The following PSMD1 variants were observed in gnomAD, a reference collection of about 807,000 sequenced individuals.
PSMD1 encodes 26S proteasome non-ATPase regulatory subunit 1.
A neutral mutation model predicts 119.0 loss-of-function variants in PSMD1; 18 were observed. The observed-to-expected ratio is 0.15, with a 90% CI of 0.10 to 0.22. The LOEUF (loss-of-function observed/expected upper bound fraction) is 0.22. PSMD1 is among the 10% of genes least tolerant of loss of function. The pLI is 1.00. For synonymous variants in PSMD1, 374 were observed against 396.6 expected (o/e 0.94, Z 0.68); for missense variants, 702 against 1,158.5 (o/e 0.61, Z 5.72).
At chr2:231,072,470 G>A (rs1694064477) in intron 7 of PSMD1, 55 bp downstream of exon 7, 8 of 1,454,936 alleles carry the variant, frequency 5.5e-6, no homozygotes, top group Non-Finnish European at 9.6e-7. Flanking sequence ...ATTTCATTTT[G>A]GGGACAGGTA....
intron 16 of PSMD1, among the ~76,000 whole-genome samples, chr2:231,119,799 G>A (rs532197617): frequency 4.4e-4 from 66 of 149,540 alleles, no homozygotes; most frequent in Non-Finnish European, 4.7e-4. Context: ...TGAACCTGTG[G>A]GTGGAGGTTG....
chr2:231,130,670 C>T (rs1430989721), intron 16 of PSMD1, among the ~76,000 whole-genome samples: 1 of 152,140 alleles, frequency 6.6e-6, no homozygotes, highest in African/African-American at 2.4e-5. Flanking sequence ...AATGCCAAGG[C>T]TGGTCTTGAA....
chr2:231,056,987 A>G lies in PSMD1; in HGVS notation c.-39A>G. On this transcript the variant is annotated 5_prime_UTR_variant, in exon 1 of 25. Transcript: ENST00000308696. ...GCTGACAGATACACTGCGCAGCTGGAACGGCGAGCGAGCCGACGGGCGAGT... is the reference window on the plus strand; with the variant it reads ...GCTGACAGATACACTGCGCAGCTGGGACGGCGAGCGAGCCGACGGGCGAGT... 6.5e-7 allele frequency: 1 copy of G among 1,540,240 alleles called. No individual in the cohort carries two copies. Among genetic ancestry groups the G allele is most frequent in the African/African-American group, 1.4e-5 (1 of 71,412 alleles).
At chr2:231,161,815 C>G (rs1696648036) in intron 20 of PSMD1, among the ~76,000 whole-genome samples, 1 of 152,170 alleles carries the variant, frequency 6.6e-6, no homozygotes, top group South Asian at 2.1e-4. Context: ...TTATTTAATA[C>G]TAAAGCCTGG....
chr2:231,167,050 A>G (rs1368915386), intron 23 of PSMD1, among the ~76,000 whole-genome samples: 2 of 152,156 alleles, frequency 1.3e-5, no homozygotes, highest in African/African-American at 4.8e-5. Context: ...CCTCCTGTTG[A>G]TGTTGTGGAG....
rs1694059982 is a variant in PSMD1, at chr2:231,072,280, G to A, written c.746G>A (p.Cys249Tyr). ...EDNLLMAYQI[C>Y]FDLYESASQQ... The stretch of plus-strand genomic sequence containing the variant: ...AACCTCCTGATGGCATATCAGATTT[G>A]TTTTGATTTGTATGAAAGTGCTAGC... The change falls in exon 7 of 25, where the codon TGT becomes TAT. Residue 249 changes from cysteine (C) to tyrosine (Y), a missense_variant. This residue lies in a region of PSMD1 where 32 missense variants were observed against 77.1 expected (regional missense o/e 0.42). Transcript: ENST00000308696. 1 of 1,613,922 alleles carries A rather than the reference G, an allele frequency of 6.2e-7. No homozygotes were observed. The highest frequency in any genetic ancestry group is 8.5e-7 in the Non-Finnish European group (1 of 1,179,832).
chr2:231,165,284 G>A lies in PSMD1; in HGVS notation c.2566G>A (p.Val856Met). The A allele has an allele frequency of 6.3e-7, 1 of 1,595,060 alleles. No individual in the cohort carries two copies. The highest frequency in any genetic ancestry group is 8.6e-7 in the Non-Finnish European group (1 of 1,168,006). ...AAAAAAGGAGGAGGAGAAAATGGAA[G>A]TGGTAGGTATAAATTGGTGGTCATA... ...KEKKEEEKMEVDEAEKKEEKE... is the reference protein window; with the variant it reads ...KEKKEEEKMEMDEAEKKEEKE... The change falls in exon 22 of 25, where the codon GTG becomes ATG. Residue 856 changes from valine (V) to methionine (M), a missense_variant and splice_region_variant. Val to Met is a conservative substitution (Grantham distance 21). Coordinates refer to ENST00000308696, the MANE Select transcript of PSMD1 (RefSeq NM_002807.4).
At chr2:231,107,278 C>T (rs1228330864) in intron 16 of PSMD1, among the ~76,000 whole-genome samples, 1 of 152,142 alleles carries the variant, frequency 6.6e-6, no homozygotes, top group Non-Finnish European at 1.5e-5. Flanking sequence ...CACTGAGATT[C>T]TCCGTAGCCA....
At position 231,085,122 on chromosome 2, in the gene PSMD1, C is replaced by T; in HGVS notation, c.1818+8C>T. On this transcript the variant is annotated splice_region_variant and intron_variant, in intron 15 of 24. Transcript: ENST00000308696. ...CGCCTGCTACATGTTGCTGTAAGTA[C>T]TCTGACCTTTCTTGGGAATGGGGTG... is the stretch of plus-strand genomic sequence containing the variant. 6.2e-7 allele frequency: 1 copy of T among 1,608,918 alleles called. No individual in the cohort carries two copies. Among genetic ancestry groups the T allele is most frequent in the Non-Finnish European group, 8.5e-7 (1 of 1,175,324 alleles).
intron 16 of PSMD1, among the ~76,000 whole-genome samples, chr2:231,111,518 A>G (rs746030794): frequency 6.6e-6 from 1 of 152,208 alleles, no homozygotes; most frequent in African/African-American, 2.4e-5. Context: ...TTATATTATT[A>G]TACTTTCTGT....
At chr2:231,091,058 A>G (rs1046266298) in intron 16 of PSMD1, among the ~76,000 whole-genome samples, 3 of 152,326 alleles carry the variant, frequency 2.0e-5, no homozygotes, top group Admixed American at 6.5e-5. Context: ...TCAGACATGG[A>G]TATCCAGTGA....
At chr2:231,113,852 T>C (rs768055872) in intron 16 of PSMD1, 3 of 1,614,126 alleles carry the variant, frequency 1.9e-6, no homozygotes, top group South Asian at 2.2e-5. Flanking sequence ...CAGAGATGCA[T>C]GATGGATGCG....
intron 19 of PSMD1, among the ~76,000 whole-genome samples, chr2:231,156,595 T>C (rs769604603): frequency 6.6e-6 from 1 of 152,126 alleles, no homozygotes; most frequent in Non-Finnish European, 1.5e-5. Context: ...TTATTGAAAG[T>C]TTTTTTATAA....
chr2:231,098,066 C>G (rs1329578918), intron 16 of PSMD1, among the ~76,000 whole-genome samples: 1 of 152,240 alleles, frequency 6.6e-6, no homozygotes, highest in Non-Finnish European at 1.5e-5. Flanking sequence ...GAGACGGAAG[C>G]TGGATGGCCC....
chr2:231,095,425 C>T (rs780000355), intron 16 of PSMD1, among the ~76,000 whole-genome samples: 6 of 152,198 alleles, frequency 3.9e-5, no homozygotes, highest in Non-Finnish European at 8.8e-5. Context: ...TATGTTTAAA[C>T]CTCTTAGCTG....
At chr2:231,068,005 A>C (rs932491907) in intron 5 of PSMD1, among the ~76,000 whole-genome samples, 3 of 152,152 alleles carry the variant, frequency 2.0e-5, no homozygotes, top group African/African-American at 7.2e-5. Flanking sequence ...TCCAAAACTT[A>C]GCTCAACTAT....
chr2:231,094,628 A>C (rs1188172015), intron 16 of PSMD1, among the ~76,000 whole-genome samples: 1 of 152,188 alleles, frequency 6.6e-6, no homozygotes, highest in Middle Eastern at 3.2e-3. Flanking sequence ...AGAATGAGTA[A>C]GGGAATTATG....
intron 17 of PSMD1, among the ~76,000 whole-genome samples, chr2:231,143,492 TGCTGG>T (rs1438882855): frequency 6.6e-6 from 1 of 152,190 alleles, no homozygotes; most frequent in African/African-American, 2.4e-5. Context: ...CCTCCCAAAG[TGCTGG>T]GATTATAGGC....
At chr2:231,081,212 C>T (rs1694302368) in intron 12 of PSMD1, among the ~76,000 whole-genome samples, 1 of 150,904 alleles carries the variant, frequency 6.6e-6, no homozygotes, top group African/African-American at 2.4e-5. Flanking sequence ...GCCCCTTAGC[C>T]ACAAATCGTG....
Sources: gnomAD v4.1 joint callset for allele counts (sites outside exome capture counted in the v4.1 genomes callset) on GRCh38, gnomAD v4.1.1 for gene constraint, gnomAD v4.1.1 regional missense constraint, MANE v1.5 for transcripts, NCBI Gene and HGNC (gene_info 2026-07-23, HGNC 2026-07-21) for gene names.